Variants in GRIK3 observed in about 807,000 individuals in gnomAD.
The protein encoded by GRIK3 is glutamate receptor ionotropic, kainate 3.
A neutral mutation model predicts 102.5 loss-of-function variants in GRIK3; 29 were observed. That is an observed-to-expected ratio of 0.28 (90% CI 0.21 to 0.39). The LOEUF (loss-of-function observed/expected upper bound fraction) is 0.39. Ranked by LOEUF, GRIK3 falls within the 10% of genes least tolerant of loss-of-function variation. The probability of loss-of-function intolerance (pLI) is 1.00; values close to 1 mark genes in which losing one functional copy is unlikely to be tolerated. For missense variants in GRIK3, 908 were observed against 1,252.4 expected (o/e 0.73, Z 4.15); for synonymous variants, 511 against 504.9 (o/e 1.01, Z -0.16).
At chr1:36,951,705 G>A (rs1641846144) in intron 1 of GRIK3, among the ~76,000 whole-genome samples, 2 of 152,168 alleles carry the variant, frequency 1.3e-5, no homozygotes, top group South Asian at 2.1e-4. Context: ...AATAATGGGG[G>A]AGAAAGAAGA....
chr1:36,890,432 C>A (rs1641101018), intron 2 of GRIK3, among the ~76,000 whole-genome samples: 1 of 151,658 alleles, frequency 6.6e-6, no homozygotes, highest in Admixed American at 6.6e-5. Flanking sequence ...CCACTGTACT[C>A]CAGCCTGGGC....
intron 5 of GRIK3, among the ~76,000 whole-genome samples, chr1:36,862,946 G>T (rs1397180621): frequency 6.6e-6 from 1 of 152,112 alleles, no homozygotes; most frequent in East Asian, 1.9e-4. Flanking sequence ...GACATAGGTT[G>T]GTGTCTTCCT....
In GRIK3 at chr1:36,859,123, C is replaced by A; in HGVS notation, c.1089G>T (p.Met363Ile). 6.2e-7 allele frequency: 1 copy of A among 1,610,440 alleles called. No individual in the cohort carries two copies. The highest frequency in any genetic ancestry group is 8.5e-7 in the Non-Finnish European group (1 of 1,177,326). ...HKAWRFGGRF[M>I]NFIKEAQWEG... is the part of the protein sequence containing the mutation. ...GGGCACTCACCTCCTTGATGAAGTT[C>A]ATGAAGCGGCCGCCAAAGCGCCAGG... The change falls in exon 7 of 16, where the codon ATG becomes ATT. Residue 363 changes from methionine to isoleucine, a missense_variant. Transcript: ENST00000373091.
At chr1:37,012,586 C>A (rs1194955743) in intron 1 of GRIK3, among the ~76,000 whole-genome samples, 1 of 152,200 alleles carries the variant, frequency 6.6e-6, no homozygotes, top group African/African-American at 2.4e-5. Context: ...TAAGCACCTA[C>A]TGTTTACCAG....
intron 1 of GRIK3, among the ~76,000 whole-genome samples, chr1:36,995,318 C>T (rs2124015296): frequency 6.6e-6 from 1 of 152,184 alleles, no homozygotes; most frequent in Non-Finnish European, 1.5e-5. Context: ...AAGGAGCAGC[C>T]CTTGGGCACC....
At chr1:36,895,298 C>G (rs1321383369) in intron 1 of GRIK3, among the ~76,000 whole-genome samples, 1 of 152,042 alleles carries the variant, frequency 6.6e-6, no homozygotes, top group African/African-American at 2.4e-5. Flanking sequence ...GCATCAGAAC[C>G]AGATTCAGAT....
At chr1:36,816,983 C>G in intron 13 of GRIK3, 77 bp downstream of exon 13, 1 of 988,386 alleles carries the variant, frequency 1.0e-6, no homozygotes, top group East Asian at 2.5e-5. Flanking sequence ...GACAGAGACC[C>G]CCTTTCCTCT....
chr1:36,922,521 C>T (rs2124305640), intron 1 of GRIK3, among the ~76,000 whole-genome samples: 1 of 152,338 alleles, frequency 6.6e-6, no homozygotes, highest in East Asian at 1.9e-4. Context: ...CCCCTCAGGA[C>T]TCGTGGTTAC....
At chr1:36,851,409 A>G (rs992417146) in intron 8 of GRIK3, among the ~76,000 whole-genome samples, 1 of 152,220 alleles carries the variant, frequency 6.6e-6, no homozygotes. Context: ...CTGCCTACAT[A>G]GACCACCCAG....
chr1:37,004,900 G>A (rs532940156), intron 1 of GRIK3, among the ~76,000 whole-genome samples: 8 of 152,188 alleles, frequency 5.3e-5, no homozygotes, highest in Non-Finnish European at 1.0e-4. Flanking sequence ...TGACCAGCCC[G>A]GCCCAGCACT....
At chr1:36,977,580 T>G (rs1376984147) in intron 1 of GRIK3, among the ~76,000 whole-genome samples, 1 of 152,218 alleles carries the variant, frequency 6.6e-6, no homozygotes. Context: ...TCCCCTGCGA[T>G]GCTTCCTGTG....
Position 36,859,879 on chromosome 1 carries a change from G to C in GRIK3, c.925C>G (p.Arg309Gly). 1.2e-6 allele frequency: 2 copies of C among 1,613,700 alleles called. No individual in the cohort carries two copies. Among genetic ancestry groups the C allele is most frequent in the Middle Eastern group, 3.3e-4 (2 of 6,038 alleles). Reference sequence around the variant, plus strand: ...CCATCCAGCAGGCCAGACTCGGACCGGGGAGCTGCCTGCAGCCGCTCCATG... The same window carrying C: ...CCATCCAGCAGGCCAGACTCGGACCCGGGAGCTGCCTGCAGCCGCTCCATG... ...WSMERLQAAP[R>G]SESGLLDGVM... The change falls in exon 6 of 16, where the codon CGG becomes GGG. Residue 309 changes from arginine to glycine, a missense_variant. Transcript: ENST00000373091.
intron 1 of GRIK3, among the ~76,000 whole-genome samples, chr1:36,960,695 C>G (rs1641996934): frequency 6.6e-6 from 1 of 152,226 alleles, no homozygotes; most frequent in Non-Finnish European, 1.5e-5. Context: ...TCCCAGACTT[C>G]CGCTGCTAAG....
At chr1:37,031,148 C>A (rs949909663) in intron 1 of GRIK3, among the ~76,000 whole-genome samples, 1 of 152,174 alleles carries the variant, frequency 6.6e-6, no homozygotes, top group African/African-American at 2.4e-5. Flanking sequence ...AATAAAATGC[C>A]AAACAATATG....
chr1:36,893,967 C>A, intron 1 of GRIK3, among the ~76,000 whole-genome samples: 1 of 152,146 alleles, frequency 6.6e-6, no homozygotes, highest in South Asian at 2.1e-4. Context: ...ATTCTTAATG[C>A]CTTTCTATAT....
At chr1:36,855,875 G>A (rs1038888556) in intron 7 of GRIK3, among the ~76,000 whole-genome samples, 4 of 152,236 alleles carry the variant, frequency 2.6e-5, no homozygotes, top group Admixed American at 2.0e-4. Context: ...TGCCAGGTGG[G>A]CATCAGCATT....
At chr1:36,997,068 G>A (rs961749716) in intron 1 of GRIK3, among the ~76,000 whole-genome samples, 4 of 152,152 alleles carry the variant, frequency 2.6e-5, no homozygotes, top group Non-Finnish European at 4.4e-5. Flanking sequence ...GCCAGAAGAA[G>A]CCAATTCCAT....
intron 1 of GRIK3, among the ~76,000 whole-genome samples, chr1:36,985,485 G>A (rs1557452477): frequency 6.6e-6 from 1 of 152,154 alleles, no homozygotes; most frequent in Non-Finnish European, 1.5e-5. Context: ...CTCTGGAGTG[G>A]GGGCTGCAAG....
chr1:36,853,221 T>C (rs1374843130), intron 8 of GRIK3, among the ~76,000 whole-genome samples: 2 of 152,248 alleles, frequency 1.3e-5, no homozygotes, highest in South Asian at 4.1e-4. Context: ...AGAAAGGTTT[T>C]ATGTTTTTTA....
Sources: allele counts gnomAD v4.1 joint callset (sites outside exome capture counted in the v4.1 genomes callset), GRCh38; gene constraint gnomAD v4.1.1; transcripts MANE v1.5; gene names NCBI Gene and HGNC (gene_info 2026-07-23, HGNC 2026-07-21).